The following SSC5D variants were observed in gnomAD, a reference collection of about 807,000 sequenced individuals.
SSC5D encodes the protein soluble scavenger receptor cysteine-rich domain-containing protein SSC5D.
A neutral mutation model predicts 104.6 loss-of-function variants in SSC5D; 106 were observed. The ratio of observed to expected loss-of-function variants is 1.01; its 90% CI spans 0.87 to 1.19. SSC5D has a LOEUF of 1.19. SSC5D is among the 50% of genes most tolerant of loss of function. The pLI is 0.00. For synonymous variants in SSC5D, 860 were observed against 883.5 expected (o/e 0.97, Z 0.47); for missense variants, 1,993 against 2,153.8 (o/e 0.93, Z 1.48).
In SSC5D at chr19:55,489,559, G is replaced by T. The variant is rs1987069659; in HGVS notation, c.258G>T (p.Glu86Asp). The T allele has an allele frequency of 2.0e-6, 3 of 1,504,556 alleles. No individual in the cohort carries two copies. The highest frequency in any genetic ancestry group is 2.8e-5 in the African/African-American group (2 of 72,118). 93.2% of individuals were successfully genotyped at this position (1,504,556 alleles called of 1,614,324 possible). The change falls in exon 3 of 14, where the codon GAG becomes GAT. Residue 86 changes from glutamate to aspartate, a missense_variant. Around this residue, in one of 6 missense-constraint regions of SSC5D, gnomAD observed 1,101 missense variants for 1,085.0 expected, o/e 1.01. Coordinates refer to ENST00000389623, the MANE Select transcript of SSC5D (RefSeq NM_001144950.2). The part of the protein sequence containing the change: ...GEGAGPVWLS[E>D]LACRGNEGQL... ...GGGCAGGGCCTGTGTGGCTCAGCGA[G>T]CTGGCTTGCCGGGGCAACGAGGGGC...
intron 9 of SSC5D, 143 bp from the exon 10 acceptor site, chr19:55,499,673 T>G (rs1172756589): frequency 1.3e-6 from 1 of 754,338 alleles, no homozygotes; most frequent in Non-Finnish European, 2.1e-6. Context: ...TAGGAGGTGC[T>G]CAATAAATAT....
At chr19:55,517,193 G>A (rs1022319529) in intron 13 of SSC5D, 31 bp from the exon 14 acceptor site, 3 of 1,520,344 alleles carry the variant, frequency 2.0e-6, no homozygotes, top group Non-Finnish European at 1.8e-6. Context: ...GTTGACCTCA[G>A]ACCGTCCGTC....
intron 7 of SSC5D, 25 bp from the exon 8 acceptor site, chr19:55,494,585 C>T: frequency 6.7e-7 from 1 of 1,484,908 alleles, no homozygotes. Flanking sequence ...GTGTGGGTGG[C>T]AATCACTTAC....
intron 12 of SSC5D, among the ~76,000 whole-genome samples, chr19:55,502,227 G>A (rs1987523999): frequency 6.6e-6 from 1 of 151,976 alleles, no homozygotes. Flanking sequence ...CATTTTCCAT[G>A]ATCAAATTCT....
Position 55,513,104 on chromosome 19 carries a change from C to T in SSC5D, c.2879C>T (p.Pro960Leu). The T allele has an allele frequency of 1.3e-6, 2 of 1,548,326 alleles. No homozygotes were observed. The highest frequency in any genetic ancestry group is 1.7e-6 in the Non-Finnish European group (2 of 1,144,868). ...ACCCCTACCGCAGGCAAACTAGGACCAACTCTTGGGGCTGGCACCACCAGG... is the reference window on the plus strand; with the variant it reads ...ACCCCTACCGCAGGCAAACTAGGACTAACTCTTGGGGCTGGCACCACCAGG... ...EGTPTAGKLGPTLGAGTTRSP... is the reference protein window; with the variant it reads ...EGTPTAGKLGLTLGAGTTRSP... The change falls in exon 13 of 14, where the codon CCA becomes CTA. Residue 960 changes from proline (P) to leucine (L), a missense_variant. Coordinates refer to ENST00000389623, the MANE Select transcript of SSC5D (RefSeq NM_001144950.2).
chr19:55,511,281 G>A (rs1987750670), intron 12 of SSC5D, among the ~76,000 whole-genome samples: 1 of 152,224 alleles, frequency 6.6e-6, no homozygotes, highest in South Asian at 2.1e-4. Context: ...CAGTGTCTTA[G>A]CAGGTAACGG....
At chr19:55,516,313 C>T (rs1254899628) in intron 13 of SSC5D, among the ~76,000 whole-genome samples, 2 of 152,080 alleles carry the variant, frequency 1.3e-5, no homozygotes, top group Non-Finnish European at 2.9e-5. Flanking sequence ...CTGGCCAACA[C>T]GGTGAAACCC....
intron 6 of SSC5D, chr19:55,491,497 C>T (rs948308821): frequency 1.6e-4 from 27 of 170,650 alleles, no homozygotes; most frequent in African/African-American, 5.5e-4. Context: ...CTGTGGCCAA[C>T]CTCTGCTCCT....
At chr19:55,489,803 A>G (rs1358361615) in intron 3 of SSC5D, 79 bp from the exon 4 acceptor site, 1 of 1,481,288 alleles carries the variant, frequency 6.8e-7, no homozygotes, top group Non-Finnish European at 9.2e-7. Context: ...CCAGGTGGCT[A>G]ACTCCCTCTT....
At chr19:55,490,458 C>A in intron 5 of SSC5D, 50 bp downstream of exon 5, 1 of 669,152 alleles carries the variant, frequency 1.5e-6, no homozygotes, top group South Asian at 1.9e-5. Context: ...GCTGTGAGGC[C>A]CAGGGCCCAG....
chr19:55,498,262 T>C, intron 9 of SSC5D, 65 bp downstream of exon 9: 1 of 1,503,040 alleles, frequency 6.7e-7, no homozygotes, highest in East Asian at 2.5e-5. Flanking sequence ...GTAACTAACA[T>C]GGGCACTAAC....
chr19:55,506,661 T>G (rs1987644063), intron 12 of SSC5D, among the ~76,000 whole-genome samples: 1 of 152,094 alleles, frequency 6.6e-6, no homozygotes, highest in African/African-American at 2.4e-5. Context: ...CCCAAAGTGC[T>G]GGGATTACAG....
At chr19:55,511,740 G>C (rs984875986) in intron 12 of SSC5D, among the ~76,000 whole-genome samples, 1 of 152,102 alleles carries the variant, frequency 6.6e-6, no homozygotes, top group African/African-American at 2.4e-5. Context: ...AGCTGGCAGG[G>C]GCTGGTTATG....
At chr19:55,505,186 G>A (rs1987613014) in intron 12 of SSC5D, among the ~76,000 whole-genome samples, 1 of 151,784 alleles carries the variant, frequency 6.6e-6, no homozygotes, top group Admixed American at 6.6e-5. Flanking sequence ...AATATTGTTT[G>A]TTAGGGTTAT....
chr19:55,494,910 G>C lies in SSC5D; in HGVS notation c.1387+127G>C, dbSNP rs577247346. 7.1e-6 allele frequency: 8 copies of C among 1,123,676 alleles called. No homozygotes were observed. In the Admixed American group the frequency reaches 1.9e-4, roughly 27 times the overall value. 69.6% of individuals were successfully genotyped at this position (1,123,676 alleles called of 1,614,324 possible). A position where few individuals can be genotyped will look rare whatever the true frequency, so the allele number is the denominator to read the frequency against. On this transcript the variant is annotated intron_variant, in intron 8 of 13. Transcript: ENST00000389623. Reference sequence around the variant, plus strand: ...TGGAGAAGAGGAGCACAGGGGCCTCGCCCAGGACACTGAGCTGGGTTCAAT... The same window carrying C: ...TGGAGAAGAGGAGCACAGGGGCCTCCCCCAGGACACTGAGCTGGGTTCAAT...
intron 12 of SSC5D, among the ~76,000 whole-genome samples, chr19:55,512,513 G>A (rs1480716454): frequency 1.3e-4 from 19 of 146,794 alleles, no homozygotes; most frequent in South Asian, 2.1e-4. Context: ...GCGGTGTCTC[G>A]CTCTGTCACC....
chr19:55,515,660 A>G (rs1159955350), intron 13 of SSC5D, among the ~76,000 whole-genome samples: 1 of 151,516 alleles, frequency 6.6e-6, no homozygotes, highest in African/African-American at 2.4e-5. Flanking sequence ...TGAACCTGGG[A>G]GGCAAAGCTG....
intron 2 of SSC5D, 145 bp from the exon 3 acceptor site, chr19:55,489,209 C>T: frequency 9.3e-7 from 1 of 1,072,762 alleles, no homozygotes. Flanking sequence ...TCTGAGCACC[C>T]AGGAGTCTGG....
intron 12 of SSC5D, among the ~76,000 whole-genome samples, chr19:55,511,897 C>T (rs952087761): frequency 2.0e-5 from 3 of 152,080 alleles, no homozygotes; most frequent in Non-Finnish European, 2.9e-5. Flanking sequence ...TTCGGATAGG[C>T]AATGAGTATG....
Sources: allele counts gnomAD v4.1 joint callset (sites outside exome capture counted in the v4.1 genomes callset), GRCh38; gene constraint gnomAD v4.1.1; regional missense constraint gnomAD v4.1.1; transcripts MANE v1.5; gene names NCBI Gene and HGNC (gene_info 2026-07-23, HGNC 2026-07-21).